Variants in AGTPBP1 observed in about 807,000 individuals in gnomAD.
The protein encoded by AGTPBP1 is ATP/GTP binding carboxypeptidase 1.
In AGTPBP1, 70 loss-of-function variants were observed where a neutral mutation model predicts 143.9. The ratio of observed to expected loss-of-function variants is 0.49; its 90% CI spans 0.40 to 0.59. The LOEUF (loss-of-function observed/expected upper bound fraction) is 0.59. Ranked by LOEUF, AGTPBP1 falls within the 20% of genes least tolerant of loss-of-function variation. AGTPBP1 has a pLI of 0.00. For synonymous variants in AGTPBP1, 463 were observed against 500.2 expected, an observed-to-expected ratio of 0.93 and a Z score of 0.99; for missense variants, 1,229 against 1,464.5, an observed-to-expected ratio of 0.84 and a Z score of 2.62.
chr9:85,579,502 C>T (rs987914444), intron 23 of AGTPBP1, among the ~76,000 whole-genome samples: 1 of 151,898 alleles, frequency 6.6e-6, no homozygotes, highest in Non-Finnish European at 1.5e-5. Flanking sequence ...ACAATCAAAA[C>T]TACCCCCAAA....
At chr9:85,597,226 A>G (rs1829354608) in intron 17 of AGTPBP1, among the ~76,000 whole-genome samples, 1 of 151,978 alleles carries the variant, frequency 6.6e-6, no homozygotes, top group African/African-American at 2.4e-5. Flanking sequence ...TATTCCAACA[A>G]TGAAGCACTA....
intron 25 of AGTPBP1, among the ~76,000 whole-genome samples, chr9:85,548,665 G>GT (rs779748206): frequency 0.018 from 2,476 of 141,186 alleles, 31 homozygotes; most frequent in Non-Finnish European, 0.024. Flanking sequence ...TTTGGCTTTG[G>GT]TTTTTTTTTG....
the AGTPBP1 span, among the ~76,000 whole-genome samples, chr9:85,753,101 G>A: frequency 2.6e-5 from 4 of 151,904 alleles, no homozygotes; most frequent in African/African-American, 9.7e-5. Context: ...TTCTCTTTCT[G>A]TGACTAAGGA....
At chr9:85,627,626 G>A (rs547749990) in intron 14 of AGTPBP1, among the ~76,000 whole-genome samples, 3 of 152,234 alleles carry the variant, frequency 2.0e-5, no homozygotes, top group East Asian at 3.9e-4. Context: ...GGTTTCAACT[G>A]CACAGGTCCA....
rs149054467 is a variant in AGTPBP1, at chr9:85,684,882, TTAAAG to T, written c.158-3552_158-3548del. Among the ~76,000 whole-genome samples the T allele has an allele frequency of 2.7e-3, 410 of 151,472 alleles. 3 individuals are homozygous for T. The highest frequency in any genetic ancestry group is 8.8e-3 in the African/African-American group (363 of 41,248). ...AAAGCAGCTATTATAATAAATGACA[TTAAAG>T]TAAAGAAGTACACAATGAATGAAAA... On this transcript the variant is annotated intron_variant, in intron 3 of 25. Transcript: ENST00000357081.
At chr9:85,758,023 G>T in the AGTPBP1 span, among the ~76,000 whole-genome samples, 1 of 152,232 alleles carries the variant, frequency 6.6e-6, no homozygotes, top group East Asian at 1.9e-4. Flanking sequence ...CCGGAGATTG[G>T]CATATTTTCT....
chr9:85,766,344 A>G, the AGTPBP1 span, among the ~76,000 whole-genome samples: 2 of 152,152 alleles, frequency 1.3e-5, no homozygotes, highest in African/African-American at 4.8e-5. Flanking sequence ...GTAGATCAGA[A>G]TCTTGAGCTA....
the AGTPBP1 span, chr9:85,753,517 G>A: frequency 6.0e-6 from 9 of 1,507,426 alleles, no homozygotes; most frequent in Admixed American, 4.0e-5. Context: ...ACTTTGGGAC[G>A]CTGAGGTGGG....
chr9:85,763,810 G>A, the AGTPBP1 span, among the ~76,000 whole-genome samples: 2 of 152,190 alleles, frequency 1.3e-5, no homozygotes, highest in East Asian at 1.9e-4. Flanking sequence ...AAAGCTTGGG[G>A]GAGGGGAATG....
At chr9:85,739,095 T>C (rs1824039817) in intron 1 of AGTPBP1, among the ~76,000 whole-genome samples, 1 of 151,808 alleles carries the variant, frequency 6.6e-6, no homozygotes, top group East Asian at 1.9e-4. Context: ...AAAATAAAAA[T>C]AAAAATAACT....
chr9:85,658,023 G>C (rs1833637365), intron 9 of AGTPBP1, among the ~76,000 whole-genome samples: 1 of 152,018 alleles, frequency 6.6e-6, no homozygotes, highest in Non-Finnish European at 1.5e-5. Context: ...TGCTAGTTGT[G>C]AATGTGATTT....
intron 18 of AGTPBP1, among the ~76,000 whole-genome samples, chr9:85,595,523 A>G (rs1276778080): frequency 6.6e-6 from 1 of 151,980 alleles, no homozygotes; most frequent in Non-Finnish European, 1.5e-5. Context: ...GCACTTATTT[A>G]TTTTATTTAT....
At chr9:85,593,060 G>A (rs1454302840) in intron 18 of AGTPBP1, among the ~76,000 whole-genome samples, 4 of 152,080 alleles carry the variant, frequency 2.6e-5, no homozygotes, top group East Asian at 1.9e-4. Flanking sequence ...ACACCTTTAC[G>A]TGGATGGATC....
At chr9:85,699,774 C>A (rs1222991367) in intron 2 of AGTPBP1, among the ~76,000 whole-genome samples, 1 of 152,094 alleles carries the variant, frequency 6.6e-6, no homozygotes, top group African/African-American at 2.4e-5. Context: ...CTGTTTCTCT[C>A]CAAATACTAA....
At chr9:85,725,838 G>C (rs2050677504) in intron 1 of AGTPBP1, among the ~76,000 whole-genome samples, 1 of 151,942 alleles carries the variant, frequency 6.6e-6, no homozygotes, top group South Asian at 2.1e-4. Flanking sequence ...CTGAAGTCAG[G>C]AGTTCGAGAC....
intron 19 of AGTPBP1, among the ~76,000 whole-genome samples, chr9:85,591,446 G>A (rs1471856973): frequency 1.3e-5 from 2 of 152,166 alleles, no homozygotes; most frequent in South Asian, 2.1e-4. Flanking sequence ...AGAAACGATG[G>A]TCATGCCTGG....
chr9:85,659,733 A>G (rs954949161), intron 9 of AGTPBP1, among the ~76,000 whole-genome samples: 2 of 152,188 alleles, frequency 1.3e-5, no homozygotes, highest in Non-Finnish European at 1.5e-5. Flanking sequence ...AAGCTTTAAT[A>G]AAAGTTTAGT....
chr9:85,732,588 G>T (rs928231408), intron 1 of AGTPBP1, among the ~76,000 whole-genome samples: 5 of 151,888 alleles, frequency 3.3e-5, no homozygotes, highest in African/African-American at 1.2e-4. Context: ...AGCTAATATG[G>T]CATATAAAAA....
chr9:85,677,685 G>T (rs1031275591), intron 5 of AGTPBP1, 103 bp from the exon 6 acceptor site: 2 of 976,174 alleles, frequency 2.0e-6, no homozygotes, highest in South Asian at 2.0e-5. Context: ...TTCAAGAAAT[G>T]GTTAAAACTG....
Sources: allele counts gnomAD v4.1 joint callset (sites outside exome capture counted in the v4.1 genomes callset), GRCh38; gene constraint gnomAD v4.1.1; transcripts MANE v1.5; gene names NCBI Gene and HGNC (gene_info 2026-07-23, HGNC 2026-07-21).